Variants in AFG1L observed in about 807,000 individuals in gnomAD.
The protein encoded by AFG1L is AFG1-like ATPase.
Under a neutral mutation model 62.2 loss-of-function variants are expected in AFG1L, and 53 were observed. That is an observed-to-expected ratio of 0.85 (90% CI 0.68 to 1.07). AFG1L has a LOEUF of 1.07. Ranked by LOEUF, AFG1L falls within the 50% of genes least tolerant of loss-of-function variation. AFG1L has a pLI of 0.00. For missense variants in AFG1L, 555 were observed against 590.5 expected (o/e 0.94, Z 0.62); for synonymous variants, 228 against 210.3 (o/e 1.08, Z -0.73).
At chr6:108,390,808 G>A (rs1781022334) in intron 6 of AFG1L, among the ~76,000 whole-genome samples, 1 of 152,154 alleles carries the variant, frequency 6.6e-6, no homozygotes, top group Non-Finnish European at 1.5e-5. Context: ...GCTGCTCCTG[G>A]GTCAGGGACC....
intron 1 of AFG1L, 44 bp downstream of exon 1, chr6:108,295,262 C>G: frequency 6.4e-7 from 1 of 1,558,206 alleles, no homozygotes; most frequent in Admixed American, 1.9e-5. Context: ...CTGCATATGA[C>G]TGGAGAAGCC....
chr6:108,444,625 G>A (rs1409181635), intron 7 of AFG1L, among the ~76,000 whole-genome samples: 1 of 152,194 alleles, frequency 6.6e-6, no homozygotes, highest in African/African-American at 2.4e-5. Flanking sequence ...ATCTCCTTGT[G>A]CACTTCCATC....
At chr6:108,376,103 G>A (rs916355958) in intron 6 of AFG1L, among the ~76,000 whole-genome samples, 1 of 152,126 alleles carries the variant, frequency 6.6e-6, no homozygotes, top group Non-Finnish European at 1.5e-5. Context: ...GTGCATAGAG[G>A]TGTTCATATT....
intron 11 of AFG1L, among the ~76,000 whole-genome samples, chr6:108,519,050 A>G (rs933945621): frequency 3.3e-5 from 5 of 152,194 alleles, no homozygotes; most frequent in Admixed American, 2.6e-4. Context: ...GTAATTTATA[A>G]ATAATAGGAA....
At chr6:108,492,031 T>TAAA (rs1173552249) in intron 10 of AFG1L, among the ~76,000 whole-genome samples, 2 of 152,238 alleles carry the variant, frequency 1.3e-5, no homozygotes, top group Admixed American at 6.5e-5. Context: ...TACAAGACTT[T>TAAA]AACGTGTTCA....
intron 7 of AFG1L, among the ~76,000 whole-genome samples, chr6:108,417,331 C>A (rs1770362531): frequency 6.6e-6 from 1 of 151,006 alleles, no homozygotes; most frequent in African/African-American, 2.4e-5. Context: ...GGGGCCCTGA[C>A]CCACACTGGC....
chr6:108,411,665 C>G lies in AFG1L; in HGVS notation c.807+9611C>G, dbSNP rs1582544290. Among the ~76,000 whole-genome samples the G allele has an allele frequency of 2.0e-5, 3 of 152,352 alleles. No homozygotes were observed. In the East Asian group the frequency reaches 5.8e-4, roughly 29 times the overall value. On this transcript the variant is annotated intron_variant, in intron 7 of 12. Transcript: ENST00000368977. ...AACAGGGTCTGGAGTGGACCTCCAG[C>G]AAACTCCAACAGACCTGCAGCTGAG...
chr6:108,330,157 A>G (rs769682107), intron 2 of AFG1L, among the ~76,000 whole-genome samples: 8 of 149,154 alleles, frequency 5.4e-5, no homozygotes, highest in Non-Finnish European at 8.9e-5. Context: ...AGCCTCCATC[A>G]CTGTAAGAAA....
chr6:108,338,173 G>A (rs1286497804), intron 2 of AFG1L, among the ~76,000 whole-genome samples: 4 of 152,128 alleles, frequency 2.6e-5, no homozygotes, highest in African/African-American at 9.7e-5. Context: ...GTAACAGAGC[G>A]ACACCTTGTC....
chr6:108,365,731 C>T (rs1779730742), intron 5 of AFG1L, among the ~76,000 whole-genome samples: 1 of 152,044 alleles, frequency 6.6e-6, no homozygotes, highest in Non-Finnish European at 1.5e-5. Flanking sequence ...GATTATGTCT[C>T]ACTGGCTACT....
intron 6 of AFG1L, among the ~76,000 whole-genome samples, chr6:108,380,056 A>G (rs1780429791): frequency 6.6e-6 from 1 of 151,736 alleles, no homozygotes; most frequent in Non-Finnish European, 1.5e-5. Context: ...TTTACACAGG[A>G]GGGGTGGGGC....
chr6:108,499,130 G>A (rs988274963), intron 10 of AFG1L, among the ~76,000 whole-genome samples: 11 of 148,864 alleles, frequency 7.4e-5, no homozygotes, highest in East Asian at 6.0e-4. Context: ...GTACAGTGGC[G>A]CCATCTTGGT....
chr6:108,449,936 C>A (rs377662163), intron 8 of AFG1L, among the ~76,000 whole-genome samples: 1 of 152,090 alleles, frequency 6.6e-6, no homozygotes, highest in Non-Finnish European at 1.5e-5. Flanking sequence ...TGAACTCATC[C>A]TTTTTTATGG....
rs778695939 is a variant in AFG1L at position 108,510,390 on chromosome 6, T to C, written c.1203+38T>C. ...TACATTTTCTTAAAACTAAACACTTTGTATTGTGAAGCCAGATTGCCTGGG... is the reference window on the plus strand; with the variant it reads ...TACATTTTCTTAAAACTAAACACTTCGTATTGTGAAGCCAGATTGCCTGGG... On this transcript the variant is annotated intron_variant, in intron 11 of 12. Transcript: ENST00000368977. The C allele has an allele frequency of 4.6e-6, 7 of 1,530,732 alleles. No homozygotes were observed. In the East Asian group the frequency reaches 1.2e-4, roughly 26 times the overall value. The allele number at this position is 1,530,732 out of a possible 1,614,324, so 94.8% of individuals were successfully genotyped here.
rs1775238792 is a variant in AFG1L at position 108,524,207 on chromosome 6, T to C, written c.*1782T>C. On this transcript the variant is annotated 3_prime_UTR_variant, in exon 13 of 13. Transcript: ENST00000368977. ...TAAATTCACAACAGAACCATTGATT[T>C]GAACTCAGTGAATATAAAATGTTTA... The C allele has an allele frequency of 6.6e-6, 1 of 152,252 alleles. No individual in the cohort carries two copies. Among genetic ancestry groups the C allele is most frequent in the African/African-American group, 2.4e-5 (1 of 41,468 alleles). 9.4% of individuals were successfully genotyped at this position (152,252 alleles called of 1,614,324 possible).
intron 7 of AFG1L, among the ~76,000 whole-genome samples, chr6:108,428,477 AT>A (rs2114706878): frequency 6.6e-6 from 1 of 152,250 alleles, no homozygotes; most frequent in South Asian, 2.1e-4. Flanking sequence ...CAATAGTGGG[AT>A]TGCTGGATAG....
At chr6:108,463,701 G>T (rs1250593107) in intron 8 of AFG1L, among the ~76,000 whole-genome samples, 1 of 152,116 alleles carries the variant, frequency 6.6e-6, no homozygotes, top group Non-Finnish European at 1.5e-5. Context: ...GATTGAGAAG[G>T]GTGGGAAATT....
In AFG1L at chr6:108,326,789, G is replaced by T. The variant is rs1582379265; in HGVS notation, c.363+2741G>T. Reference sequence around the variant, plus strand: ...AGCCTGGCCAACATGATGAAACCCTGTCTCTACTAAAAATACAAAAATTAG... The same window carrying T: ...AGCCTGGCCAACATGATGAAACCCTTTCTCTACTAAAAATACAAAAATTAG... On this transcript the variant is annotated intron_variant, in intron 2 of 12. Coordinates refer to ENST00000368977, the MANE Select transcript of AFG1L (RefSeq NM_145315.5). Among the ~76,000 whole-genome samples the T allele has an allele frequency of 2.0e-5, 3 of 152,254 alleles. No individual in the cohort carries two copies. The East Asian group carries it at 5.8e-4, about 29-fold the overall frequency.
chr6:108,367,042 C>G (rs538706909), intron 6 of AFG1L, among the ~76,000 whole-genome samples: 43 of 152,142 alleles, frequency 2.8e-4, no homozygotes, highest in Non-Finnish European at 5.0e-4. Flanking sequence ...CCTGTTTGAA[C>G]CTGCAACACA....
Sources: allele counts gnomAD v4.1 joint callset (sites outside exome capture counted in the v4.1 genomes callset), GRCh38; gene constraint gnomAD v4.1.1; transcripts MANE v1.5; gene names NCBI Gene and HGNC (gene_info 2026-07-23, HGNC 2026-07-21).